SUGCT: variants seen among roughly 807,000 people sequenced by gnomAD.
SUGCT encodes the protein succinyl-CoA:glutarate-CoA transferase.
In SUGCT, 41 loss-of-function variants were observed where a neutral mutation model predicts 55.0. That is an observed-to-expected ratio of 0.74 (90% CI 0.58 to 0.97). The LOEUF is 0.97. Among genes scored for constraint, SUGCT ranks in the 50% least tolerant of loss-of-function variants. The pLI, the probability that SUGCT is intolerant of heterozygous loss-of-function variation, is 0.00. For synonymous variants in SUGCT, 187 were observed against 200.4 expected (o/e 0.93, Z 0.56); for missense variants, 568 against 547.8 (o/e 1.04, Z -0.37).
chr7:40,928,412 A>T, the SUGCT span, among the ~76,000 whole-genome samples: 2 of 151,278 alleles, frequency 1.3e-5, no homozygotes, highest in Non-Finnish European at 3.0e-5. Flanking sequence ...ATTAACTTTC[A>T]CTTTTATACC....
chr7:40,962,368 G>A, the SUGCT span, among the ~76,000 whole-genome samples: 1 of 152,022 alleles, frequency 6.6e-6, no homozygotes, highest in African/African-American at 2.4e-5. Flanking sequence ...AGACAGAAAA[G>A]TTCTCCAAGT....
At chr7:40,617,447 A>G (rs1299523499) in intron 12 of SUGCT, among the ~76,000 whole-genome samples, 1 of 151,502 alleles carries the variant, frequency 6.6e-6, no homozygotes, top group Admixed American at 6.6e-5. Context: ...ATGTCCAGTA[A>G]AATTCTGATT....
chr7:40,602,223 C>T (rs1262835772), intron 12 of SUGCT, among the ~76,000 whole-genome samples: 1 of 152,154 alleles, frequency 6.6e-6, no homozygotes, highest in Non-Finnish European at 1.5e-5. Flanking sequence ...AACCCCCAAA[C>T]CTGAGTTACT....
chr7:40,926,097 T>C, the SUGCT span, among the ~76,000 whole-genome samples: 1 of 151,596 alleles, frequency 6.6e-6, no homozygotes, highest in East Asian at 1.9e-4. Context: ...CAAGTTCCTG[T>C]TTAAAAAAAA....
At chr7:40,893,010 G>A in the SUGCT span, among the ~76,000 whole-genome samples, 2 of 152,062 alleles carry the variant, frequency 1.3e-5, no homozygotes, top group African/African-American at 4.8e-5. Flanking sequence ...AAAGGGAGCA[G>A]GAGTGGTTAT....
At chr7:40,254,487 G>A (rs1432422013) in intron 7 of SUGCT, among the ~76,000 whole-genome samples, 3 of 150,238 alleles carry the variant, frequency 2.0e-5, no homozygotes, top group South Asian at 2.1e-4. Context: ...AACCTCTGCC[G>A]CCTGGATTCA....
intron 12 of SUGCT, among the ~76,000 whole-genome samples, chr7:40,661,557 T>G (rs1801300950): frequency 6.6e-6 from 1 of 152,220 alleles, no homozygotes; most frequent in Non-Finnish European, 1.5e-5. Context: ...TCAAATTCAC[T>G]AATTCACAAA....
chr7:40,728,475 C>T (rs1306279379), intron 12 of SUGCT, among the ~76,000 whole-genome samples: 1 of 152,100 alleles, frequency 6.6e-6, no homozygotes, highest in East Asian at 1.9e-4. Context: ...GTCGAGATTG[C>T]ACCTTTCACT....
At chr7:40,262,431 G>C (rs1027171061) in intron 7 of SUGCT, among the ~76,000 whole-genome samples, 1 of 150,124 alleles carries the variant, frequency 6.7e-6, no homozygotes, top group African/African-American at 2.5e-5. Context: ...TGGGCGAATC[G>C]TGAGGTCAGG....
chr7:40,801,440 C>T (rs35712272), intron 13 of SUGCT, among the ~76,000 whole-genome samples: 47,450 of 151,970 alleles, frequency 0.31, 7,852 homozygotes, highest in East Asian at 0.44. Context: ...GAAAATGTTA[C>T]CCTAACATCT....
the SUGCT span, among the ~76,000 whole-genome samples, chr7:41,008,453 G>A: frequency 1.3e-5 from 2 of 152,128 alleles, no homozygotes; most frequent in Non-Finnish European, 2.9e-5. Context: ...TGTCCTCTCA[G>A]CACAGAAGAA....
chr7:40,693,334 A>G (rs1784778208), intron 12 of SUGCT, among the ~76,000 whole-genome samples: 1 of 152,194 alleles, frequency 6.6e-6, no homozygotes, highest in African/African-American at 2.4e-5. Flanking sequence ...CTTAACTCAC[A>G]GGGCCTGTGT....
intron 12 of SUGCT, among the ~76,000 whole-genome samples, chr7:40,741,271 CA>C (rs1040145038): frequency 8.9e-4 from 114 of 127,676 alleles, no homozygotes; most frequent in African/African-American, 1.4e-3. Flanking sequence ...GACTCTGTCT[CA>C]AAAAAAAAAA....
rs149925849 is a variant in SUGCT, at chr7:40,524,461, C to T, written c.1089+28075C>T. On this transcript the variant is annotated intron_variant, in intron 12 of 13. Transcript: ENST00000335693. ...TTCTCATCCATCTTGCTAGTTTGCT[C>T]GTGTATTTATTTTTAAAAACATTTG... Among the ~76,000 whole-genome samples, 472 of 152,070 alleles carry T rather than the reference C, an allele frequency of 3.1e-3. 6 individuals are homozygous for T. Among genetic ancestry groups the T allele is most frequent in the East Asian group, 0.028 (145 of 5,170 alleles).
the SUGCT span, among the ~76,000 whole-genome samples, chr7:40,870,569 G>A: frequency 6.6e-6 from 1 of 152,182 alleles, no homozygotes; most frequent in East Asian, 1.9e-4. Flanking sequence ...TCAGGGATTA[G>A]ATAGAATGCA....
chr7:40,440,547 A>G (rs1013654701), intron 9 of SUGCT, among the ~76,000 whole-genome samples: 2 of 152,138 alleles, frequency 1.3e-5, no homozygotes, highest in African/African-American at 4.8e-5. Context: ...AAAGCTCCTT[A>G]GAAACTTAAG....
the SUGCT span, among the ~76,000 whole-genome samples, chr7:40,903,572 T>C: frequency 2.6e-5 from 4 of 152,274 alleles, no homozygotes; most frequent in East Asian, 5.8e-4. Flanking sequence ...GGCCTGCCTT[T>C]TGGTTATATT....
chr7:40,909,614 G>A, the SUGCT span, among the ~76,000 whole-genome samples: 2 of 152,154 alleles, frequency 1.3e-5, no homozygotes, highest in African/African-American at 4.8e-5. Flanking sequence ...ACTAACGACG[G>A]CCTTTGCTTG....
At chr7:40,305,114 T>C (rs1794780816) in intron 8 of SUGCT, among the ~76,000 whole-genome samples, 1 of 152,226 alleles carries the variant, frequency 6.6e-6, no homozygotes, top group Non-Finnish European at 1.5e-5. Context: ...CATTGTTTCC[T>C]AACTCAGCCT....
Sources: allele counts gnomAD v4.1 joint callset (sites outside exome capture counted in the v4.1 genomes callset), GRCh38; gene constraint gnomAD v4.1.1; transcripts MANE v1.5; gene names NCBI Gene and HGNC (gene_info 2026-07-23, HGNC 2026-07-21).